DMD: variants seen among roughly 807,000 people sequenced by gnomAD.
DMD encodes the protein mutant dystrophin.
Under a neutral mutation model 330.1 loss-of-function variants are expected in DMD, and 63 were observed. The observed-to-expected ratio is 0.19, with a 90% confidence interval of 0.16 to 0.24. The LOEUF is 0.24. Among genes scored for constraint, DMD ranks in the 10% least tolerant of loss-of-function variants. The pLI is 1.00. For synonymous variants in DMD, 1,223 were observed against 959.8 expected, an observed-to-expected ratio of 1.27 and a Z score of -5.07; for missense variants, 3,344 against 2,684.1, an observed-to-expected ratio of 1.25 and a Z score of -5.43.
chrX:31,871,704 GTT>G (rs767462131), intron 48 of DMD, among the ~76,000 whole-genome samples: 1 of 96,618 alleles, frequency 1.0e-5, no homozygotes. Context: ...TAGTAAAGGT[GTT>G]TTTTTTTTTT....
Position 31,121,855 on chromosome X carries a change from G to A in DMD, c.*64C>T. On this transcript the variant is annotated 3_prime_UTR_variant, in exon 79 of 79. Coordinates refer to ENST00000357033, the MANE Select transcript of DMD (RefSeq NM_004006.3). Reference sequence around the variant, plus strand: ...CATTTATTCTGCTCCTTCTTCATCTGTCATGACTGATACTAAGGACTCCAT... The same window carrying A: ...CATTTATTCTGCTCCTTCTTCATCTATCATGACTGATACTAAGGACTCCAT... 1 of 1,203,093 alleles carries A rather than the reference G, an allele frequency of 8.3e-7. No homozygotes were observed. The highest frequency in any genetic ancestry group is 3.0e-5 in the East Asian group (1 of 33,806).
At chrX:32,487,582 T>C (rs2042606435) in intron 20 of DMD, among the ~76,000 whole-genome samples, 1 of 111,238 alleles carries the variant, frequency 9.0e-6, no homozygotes, top group Non-Finnish European at 1.9e-5. Context: ...AACTTTTGTA[T>C]TAGGAGAGGC....
intron 1 of DMD, among the ~76,000 whole-genome samples, chrX:33,122,694 G>C (rs1251716765): frequency 3.6e-5 from 4 of 112,109 alleles, no homozygotes; most frequent in African/African-American, 1.3e-4. Flanking sequence ...CTTGGTTTGA[G>C]TCTTGAATAT....
intron 7 of DMD, among the ~76,000 whole-genome samples, chrX:32,746,324 A>G (rs1388205037): frequency 8.9e-6 from 1 of 111,983 alleles, no homozygotes; most frequent in Non-Finnish European, 1.9e-5. Flanking sequence ...TATGGAAACT[A>G]TGTTCACGTT....
intron 44 of DMD, among the ~76,000 whole-genome samples, chrX:32,213,523 T>C (rs949629652): frequency 3.6e-5 from 4 of 112,213 alleles, no homozygotes; most frequent in African/African-American, 1.3e-4. Context: ...ATTTTGGACA[T>C]AAAATAACCA....
chrX:31,603,597 T>C (rs1425724568), intron 55 of DMD, among the ~76,000 whole-genome samples: 1 of 112,245 alleles, frequency 8.9e-6, no homozygotes, highest in Non-Finnish European at 1.9e-5. Context: ...GGTATGCTAA[T>C]GACTGTGAAT....
chrX:31,499,531 C>A (rs1252249197), intron 56 of DMD, among the ~76,000 whole-genome samples: 1 of 92,598 alleles, frequency 1.1e-5, no homozygotes, highest in Non-Finnish European at 2.1e-5. Flanking sequence ...CTTGATCTAT[C>A]ACCCAGGCTG....
chrX:31,465,198 C>G (rs2066769018), intron 59 of DMD, among the ~76,000 whole-genome samples: 1 of 111,226 alleles, frequency 9.0e-6, no homozygotes, highest in Non-Finnish European at 1.9e-5. Flanking sequence ...ATAATTTGGT[C>G]AGGATTTTTT....
At chrX:32,357,758 G>A (rs986981476) in intron 37 of DMD, among the ~76,000 whole-genome samples, 24 of 110,015 alleles carry the variant, frequency 2.2e-4, no homozygotes, top group African/African-American at 7.6e-4. Context: ...TAGTCTGGCT[G>A]TCCATGACCT....
intron 55 of DMD, among the ~76,000 whole-genome samples, chrX:31,555,024 A>G (rs893993897): frequency 8.9e-6 from 1 of 111,949 alleles, no homozygotes; most frequent in Non-Finnish European, 1.9e-5. Context: ...ATGGAGGGCC[A>G]GAAGCAAGAA....
chrX:32,488,126 A>T (rs763178314), intron 20 of DMD, among the ~76,000 whole-genome samples: 25 of 111,827 alleles, frequency 2.2e-4, no homozygotes, highest in Non-Finnish European at 3.6e-4. Flanking sequence ...GCAAATGTTC[A>T]GTTGAGACCT....
intron 37 of DMD, among the ~76,000 whole-genome samples, chrX:32,358,711 C>T (rs1603631604): frequency 3.6e-5 from 4 of 111,150 alleles, no homozygotes; most frequent in South Asian, 3.8e-4. Flanking sequence ...AGCAAAGACA[C>T]GATTTTCTGA....
intron 7 of DMD, among the ~76,000 whole-genome samples, chrX:32,731,861 T>C (rs2067713256): frequency 2.7e-5 from 3 of 111,835 alleles, no homozygotes; most frequent in Non-Finnish European, 5.6e-5. Context: ...GCACCTCTCC[T>C]CCTCCAAAGG....
chrX:31,792,586 C>G (rs1479160345), intron 50 of DMD, among the ~76,000 whole-genome samples: 4 of 112,232 alleles, frequency 3.6e-5, no homozygotes, highest in Admixed American at 9.5e-5. Context: ...AGGGTTTATA[C>G]CTACTTAGTA....
chrX:32,789,134 A>T (rs1004570350), intron 7 of DMD, among the ~76,000 whole-genome samples: 1 of 112,251 alleles, frequency 8.9e-6, no homozygotes, highest in African/African-American at 3.2e-5. Context: ...ATGAAGAGAG[A>T]CAACTGTGCA....
chrX:32,603,488 C>A (rs764870415), intron 12 of DMD, among the ~76,000 whole-genome samples: 5 of 110,042 alleles, frequency 4.5e-5, no homozygotes, highest in African/African-American at 1.6e-4. Context: ...CCAAAGCTAG[C>A]AGAATATAAG....
chrX:31,590,896 G>GT (rs2076839097), intron 55 of DMD, among the ~76,000 whole-genome samples: 1 of 111,415 alleles, frequency 9.0e-6, no homozygotes, highest in Non-Finnish European at 1.9e-5. Context: ...TGCTTCCAAG[G>GT]TTAGCAGTGA....
chrX:32,799,285 C>T (rs1013977333), intron 7 of DMD, among the ~76,000 whole-genome samples: 8 of 111,371 alleles, frequency 7.2e-5, no homozygotes, highest in African/African-American at 9.8e-5. Flanking sequence ...CAAACCCTAA[C>T]GGGTTTGTAA....
At chrX:32,020,437 T>C (rs1333095704) in intron 44 of DMD, among the ~76,000 whole-genome samples, 1 of 112,444 alleles carries the variant, frequency 8.9e-6, no homozygotes, top group African/African-American at 3.2e-5. Flanking sequence ...CCCATTCATA[T>C]GTTGAAGTTT....
Sources: allele counts gnomAD v4.1 joint callset (sites outside exome capture counted in the v4.1 genomes callset), GRCh38; gene constraint gnomAD v4.1.1; transcripts MANE v1.5; gene names NCBI Gene and HGNC (gene_info 2026-07-23, HGNC 2026-07-21).